Variants in NELL1 observed in about 807,000 individuals in gnomAD.
The protein encoded by NELL1 is neural EGFL like 1.
A neutral mutation model predicts 107.4 loss-of-function variants in NELL1; 76 were observed. The observed-to-expected ratio is 0.71, with a 90% CI of 0.59 to 0.86. NELL1 has a LOEUF of 0.86. NELL1 is among the 40% of genes least tolerant of loss of function. NELL1 has a pLI of 0.00. For synonymous variants in NELL1, 353 were observed against 341.2 expected (o/e 1.03, Z -0.38); for missense variants, 1,024 against 1,005.5 (o/e 1.02, Z -0.25).
chr11:21,369,195 C>A (rs531869225), intron 14 of NELL1, among the ~76,000 whole-genome samples: 2 of 151,984 alleles, frequency 1.3e-5, no homozygotes, highest in Admixed American at 1.3e-4. Flanking sequence ...TTCTTACTGG[C>A]TTTCCATCTG....
At chr11:21,065,978 A>G (rs949180122) in intron 12 of NELL1, among the ~76,000 whole-genome samples, 7 of 152,176 alleles carry the variant, frequency 4.6e-5, no homozygotes, top group African/African-American at 7.2e-5. Context: ...TTCCTAATTC[A>G]GTTGTAATTT....
intron 13 of NELL1, among the ~76,000 whole-genome samples, chr11:21,125,191 C>T (rs1229985824): frequency 1.3e-5 from 2 of 152,112 alleles, no homozygotes; most frequent in Non-Finnish European, 2.9e-5. Flanking sequence ...CCAGATTTTT[C>T]TGGATCAGGG....
chr11:21,052,036 G>A (rs1853505653), intron 12 of NELL1, among the ~76,000 whole-genome samples: 2 of 152,026 alleles, frequency 1.3e-5, no homozygotes, highest in Admixed American at 1.3e-4. Context: ...TTTTAGTAGG[G>A]TGTTCCTCAC....
intron 15 of NELL1, among the ~76,000 whole-genome samples, chr11:21,532,810 G>A (rs1468650044): frequency 6.6e-6 from 1 of 152,132 alleles, no homozygotes; most frequent in Non-Finnish European, 1.5e-5. Context: ...AAAGCAGTGG[G>A]CTGATTGTGT....
At chr11:21,272,568 C>T (rs1416681283) in intron 14 of NELL1, among the ~76,000 whole-genome samples, 1 of 152,186 alleles carries the variant, frequency 6.6e-6, no homozygotes, top group Non-Finnish European at 1.5e-5. Flanking sequence ...GTTCTCCCAG[C>T]ACGCAGCTGG....
At chr11:21,536,516 C>T (rs897344025) in intron 16 of NELL1, among the ~76,000 whole-genome samples, 1 of 152,140 alleles carries the variant, frequency 6.6e-6, no homozygotes, top group Non-Finnish European at 1.5e-5. Flanking sequence ...ACTTGTCACT[C>T]CTTTCTTCTG....
At chr11:21,500,063 A>G (rs1052926261) in intron 15 of NELL1, among the ~76,000 whole-genome samples, 1 of 152,126 alleles carries the variant, frequency 6.6e-6, no homozygotes, top group African/African-American at 2.4e-5. Context: ...GGAGTCTTTT[A>G]TTCCAAATTT....
chr11:21,132,216 T>A (rs1251851535), intron 13 of NELL1, among the ~76,000 whole-genome samples: 1 of 152,076 alleles, frequency 6.6e-6, no homozygotes, highest in Non-Finnish European at 1.5e-5. Context: ...CATGTCTGTG[T>A]GTGTATTTGT....
At chr11:21,536,462 G>A (rs559727367) in intron 16 of NELL1, among the ~76,000 whole-genome samples, 11 of 152,204 alleles carry the variant, frequency 7.2e-5, no homozygotes, top group South Asian at 2.1e-4. Context: ...TTTAGCTCAC[G>A]TTTCACCAAG....
chr11:20,996,547 G>A (rs1333568819), intron 12 of NELL1, among the ~76,000 whole-genome samples: 1 of 152,156 alleles, frequency 6.6e-6, no homozygotes, highest in Admixed American at 6.5e-5. Flanking sequence ...ATCTCACCCT[G>A]TGACTCTTCC....
intron 3 of NELL1, among the ~76,000 whole-genome samples, chr11:20,792,538 A>T (rs1857095529): frequency 6.6e-6 from 1 of 151,974 alleles, no homozygotes. Flanking sequence ...ATCTAATTTT[A>T]TTCCTATTTT....
chr11:21,118,776 C>G (rs749049706), intron 13 of NELL1, among the ~76,000 whole-genome samples: 66 of 152,072 alleles, frequency 4.3e-4, no homozygotes, highest in Admixed American at 1.6e-3. Context: ...ATAACCATGT[C>G]AAGGTCATAT....
At chr11:20,886,525 A>C (rs976885869) in intron 5 of NELL1, among the ~76,000 whole-genome samples, 1 of 152,096 alleles carries the variant, frequency 6.6e-6, no homozygotes, top group Non-Finnish European at 1.5e-5. Context: ...GACCAAATAT[A>C]TGGAGGGGAG....
At chr11:21,185,491 C>T (rs1046077418) in intron 13 of NELL1, among the ~76,000 whole-genome samples, 3 of 151,552 alleles carry the variant, frequency 2.0e-5, no homozygotes, top group East Asian at 1.9e-4. Flanking sequence ...GACGGAGTTC[C>T]ACCATGTTGA....
At chr11:21,141,043 A>G (rs1590673340) in intron 13 of NELL1, among the ~76,000 whole-genome samples, 1 of 152,306 alleles carries the variant, frequency 6.6e-6, no homozygotes, top group Non-Finnish European at 1.5e-5. Flanking sequence ...AGTGCTCTGG[A>G]AGATTTAGTT....
At chr11:20,791,660 A>G (rs1857076070) in intron 3 of NELL1, among the ~76,000 whole-genome samples, 1 of 151,488 alleles carries the variant, frequency 6.6e-6, no homozygotes, top group African/African-American at 2.4e-5. Flanking sequence ...TTAAAGGGAA[A>G]GCTTTCAGTT....
Position 21,438,076 on chromosome 11 carries a change from A to G in NELL1, c.1645+67128A>G, listed in dbSNP as rs1442798456. ...TTGTGTATCTAACAGTGAGTTTTATACTTTCTGTGTGATTTATGACGGAAA... is the reference window on the plus strand; with the variant it reads ...TTGTGTATCTAACAGTGAGTTTTATGCTTTCTGTGTGATTTATGACGGAAA... On this transcript the variant is annotated intron_variant, in intron 15 of 19. Coordinates refer to ENST00000357134, the MANE Select transcript of NELL1 (RefSeq NM_006157.5). Among the ~76,000 whole-genome samples, 4 of 152,032 alleles carry G rather than the reference A, an allele frequency of 2.6e-5. No homozygotes were observed. In the East Asian group the frequency reaches 7.7e-4, roughly 29 times the overall value.
intron 15 of NELL1, among the ~76,000 whole-genome samples, chr11:21,392,310 T>C (rs1383688533): frequency 6.6e-6 from 1 of 151,784 alleles, no homozygotes; most frequent in Non-Finnish European, 1.5e-5. Flanking sequence ...TTCCCCATAG[T>C]TTCAGAGATA....
chr11:20,852,444 A>G (rs1393974136), intron 4 of NELL1, among the ~76,000 whole-genome samples: 1 of 152,178 alleles, frequency 6.6e-6, no homozygotes, highest in Non-Finnish European at 1.5e-5. Flanking sequence ...TCAGGATGTG[A>G]GCATCTGTTT....
Sources: gnomAD v4.1 joint callset for allele counts (sites outside exome capture counted in the v4.1 genomes callset) on GRCh38, gnomAD v4.1.1 for gene constraint, MANE v1.5 for transcripts, NCBI Gene and HGNC (gene_info 2026-07-23, HGNC 2026-07-21) for gene names.